SLC22A9: variants seen among roughly 807,000 people sequenced by gnomAD.
SLC22A9 encodes organic anion transporter 7.
SLC22A9 carries 64 observed loss-of-function variants against 50.1 expected under a neutral mutation model. The ratio of observed to expected loss-of-function variants is 1.28; its 90% CI spans 1.04 to 1.57. The LOEUF (loss-of-function observed/expected upper bound fraction) is 1.57. SLC22A9 is among the 40% of genes most tolerant of loss of function. The pLI, the probability that SLC22A9 is intolerant of heterozygous loss-of-function variation, is 0.00. For synonymous variants in SLC22A9, 261 were observed against 242.5 expected, an observed-to-expected ratio of 1.08 and a Z score of -0.71; for missense variants, 757 against 676.1, an observed-to-expected ratio of 1.12 and a Z score of -1.33.
intron 5 of SLC22A9, 68 bp downstream of exon 5, chr11:63,375,836 G>A: frequency 6.4e-7 from 1 of 1,574,168 alleles, no homozygotes; most frequent in Non-Finnish European, 8.6e-7. Context: ...CTTAGCAGTA[G>A]CAGTGTCCAT....
At position 63,375,639 on chromosome 11, in the gene SLC22A9, G is replaced by A; in HGVS notation, c.831-6G>A. 1.9e-6 allele frequency: 3 copies of A among 1,611,302 alleles called. No individual in the cohort carries two copies. Among genetic ancestry groups the A allele is most frequent in the Non-Finnish European group, 2.5e-6 (3 of 1,178,326 alleles). Reference sequence around the variant, plus strand: ...CGACTGCCCCTCTGTTCTCTTCCTTGGTCAGTTGGCTGCTAGAGTCTGCTC... The same window carrying A: ...CGACTGCCCCTCTGTTCTCTTCCTTAGTCAGTTGGCTGCTAGAGTCTGCTC... On this transcript the variant is annotated splice_region_variant and splice_polypyrimidine_tract_variant and intron_variant, in intron 4 of 9. Transcript: ENST00000279178.
intron 6 of SLC22A9, among the ~76,000 whole-genome samples, chr11:63,394,036 T>G (rs2014809474): frequency 6.6e-6 from 1 of 152,216 alleles, no homozygotes; most frequent in African/African-American, 2.4e-5. Flanking sequence ...CTTTATTTCA[T>G]TAAGTTGATC....
At chr11:63,386,469 G>A (rs1200913019) in intron 6 of SLC22A9, among the ~76,000 whole-genome samples, 2 of 51,180 alleles carry the variant, frequency 3.9e-5, no homozygotes, top group African/African-American at 1.2e-4. Flanking sequence ...TTTTTTTTTT[G>A]GTAAGTAGGC....
intron 6 of SLC22A9, among the ~76,000 whole-genome samples, chr11:63,392,362 A>G (rs2014779497): frequency 1.3e-5 from 2 of 152,036 alleles, no homozygotes; most frequent in African/African-American, 4.8e-5. Flanking sequence ...TGTCTTTCAG[A>G]TGGAAGAAAT....
At chr11:63,380,719 A>G (rs1427838537) in intron 5 of SLC22A9, among the ~76,000 whole-genome samples, 1 of 152,112 alleles carries the variant, frequency 6.6e-6, no homozygotes, top group African/African-American at 2.4e-5. Context: ...GTAAGGAGGT[A>G]AGAAGGTGAG....
At chr11:63,397,908 C>T (rs540056670) in intron 6 of SLC22A9, among the ~76,000 whole-genome samples, 8 of 152,050 alleles carry the variant, frequency 5.3e-5, no homozygotes, top group Non-Finnish European at 7.4e-5. Flanking sequence ...AGCTGCAAGA[C>T]GAAGCCTCCT....
In SLC22A9 at chr11:63,408,660, C is replaced by T. The variant is rs1193112639; in HGVS notation, c.1398-16C>T. On this transcript the variant is annotated splice_polypyrimidine_tract_variant and intron_variant, in intron 8 of 9. Transcript: ENST00000279178. ...ATTTTTAACAGATATTCTTGTATTG[C>T]TGTTTCCACTCAAAGGGCAAGAGCT... 2 of 1,600,598 alleles carry T rather than the reference C, an allele frequency of 1.2e-6. No homozygotes were observed. The highest frequency in any genetic ancestry group is 1.7e-6 in the Non-Finnish European group (2 of 1,169,082).
At chr11:63,405,618 A>T (rs1166202932) in intron 6 of SLC22A9, among the ~76,000 whole-genome samples, 1 of 152,212 alleles carries the variant, frequency 6.6e-6, no homozygotes, top group Non-Finnish European at 1.5e-5. Context: ...AATGCTGTGG[A>T]TATACAATCT....
intron 6 of SLC22A9, among the ~76,000 whole-genome samples, chr11:63,391,249 CCTT>C (rs1222053561): frequency 6.6e-6 from 1 of 151,938 alleles, no homozygotes; most frequent in Non-Finnish European, 1.5e-5. Context: ...TATGGTCTAT[CCTT>C]AAGAAATACC....
chr11:63,385,567 A>G (rs938099117), intron 6 of SLC22A9, among the ~76,000 whole-genome samples: 1 of 151,880 alleles, frequency 6.6e-6, no homozygotes, highest in African/African-American at 2.4e-5. Flanking sequence ...TGTGAATGGG[A>G]GTTTATTCAT....
In SLC22A9 at chr11:63,387,620, G is replaced by A. The variant is rs183982982; in HGVS notation, c.1073+5343G>A. Among the ~76,000 whole-genome samples the A allele has an allele frequency of 6.2e-3, 937 of 151,992 alleles. 10 individuals are homozygous for A. The highest frequency in any genetic ancestry group is 0.021 in the African/African-American group (858 of 41,360). On this transcript the variant is annotated intron_variant, in intron 6 of 9. Coordinates refer to ENST00000279178, the MANE Select transcript of SLC22A9 (RefSeq NM_080866.3). ...AGTTTTGTTCTTTTTACTCCAGATA[G>A]TTTCGACTATTCTTGGTCTTTTTTG...
chr11:63,393,365 T>A (rs2014797698), intron 6 of SLC22A9, among the ~76,000 whole-genome samples: 2 of 152,188 alleles, frequency 1.3e-5, no homozygotes, highest in Admixed American at 1.3e-4. Flanking sequence ...TGAATTCTTT[T>A]ATCAGTTCTA....
chr11:63,385,113 T>G (rs1404591787), intron 6 of SLC22A9, among the ~76,000 whole-genome samples: 4 of 139,204 alleles, frequency 2.9e-5, no homozygotes, highest in African/African-American at 1.0e-4. Context: ...ACAGTTTTTT[T>G]TTTTTTTTTT....
At chr11:63,377,358 C>G (rs1019946260) in intron 5 of SLC22A9, among the ~76,000 whole-genome samples, 1 of 151,984 alleles carries the variant, frequency 6.6e-6, no homozygotes, top group Non-Finnish European at 1.5e-5. Context: ...CAACCACACT[C>G]CTGGACCACA....
Position 63,407,962 on chromosome 11 carries a change from C to G in SLC22A9, c.1289-150C>G, listed in dbSNP as rs530628662. The G allele has an allele frequency of 7.4e-5, 42 of 569,466 alleles. No homozygotes were observed. In the East Asian group the frequency reaches 9.8e-4, roughly 13 times the overall value. 35.3% of individuals were successfully genotyped at this position (569,466 alleles called of 1,614,324 possible). ...ACAAATCATGTTTCTCAGCTATCAG[C>G]CACTGCACATTCTTTGCCTCTATGC... On this transcript the variant is annotated intron_variant, in intron 7 of 9. Coordinates refer to ENST00000279178, the MANE Select transcript of SLC22A9 (RefSeq NM_080866.3).
At position 63,381,855 on chromosome 11, in the gene SLC22A9, G is replaced by A. The variant is rs2014567619; in HGVS notation, c.955-304G>A. Among the ~76,000 whole-genome samples the A allele has an allele frequency of 2.0e-5, 3 of 152,248 alleles. No individual in the cohort carries two copies. In the South Asian group the frequency reaches 6.2e-4, roughly 32 times the overall value. On this transcript the variant is annotated intron_variant, in intron 5 of 9. Coordinates refer to ENST00000279178, the MANE Select transcript of SLC22A9 (RefSeq NM_080866.3). ...ATCCAATATGGCCTTCATTTGGACT[G>A]TAATCTTTATTCGGTCCCCATCATG...
intron 6 of SLC22A9, among the ~76,000 whole-genome samples, chr11:63,383,167 AT>A (rs2014596587): frequency 6.6e-6 from 1 of 152,134 alleles, no homozygotes; most frequent in Non-Finnish European, 1.5e-5. Context: ...AAGATGGGCA[AT>A]TTTAGGTTTC....
At chr11:63,407,715 C>T (rs1384945912) in intron 7 of SLC22A9, among the ~76,000 whole-genome samples, 2 of 152,110 alleles carry the variant, frequency 1.3e-5, no homozygotes, top group South Asian at 2.1e-4. Flanking sequence ...TAGGTTTTAA[C>T]GGCCAGGAGA....
intron 6 of SLC22A9, among the ~76,000 whole-genome samples, chr11:63,382,753 C>G (rs1482581213): frequency 6.6e-6 from 1 of 152,136 alleles, no homozygotes; most frequent in Non-Finnish European, 1.5e-5. Flanking sequence ...TATTAATCCC[C>G]CCACAGAAAC....
Sources: allele counts gnomAD v4.1 joint callset (sites outside exome capture counted in the v4.1 genomes callset), GRCh38; gene constraint gnomAD v4.1.1; transcripts MANE v1.5; gene names NCBI Gene and HGNC (gene_info 2026-07-23, HGNC 2026-07-21).